Variants in SLC1A6 observed in about 807,000 individuals in gnomAD.
The protein encoded by SLC1A6 is solute carrier family 1 member 6, also known as excitatory amino acid transporter 4.
A neutral mutation model predicts 42.1 loss-of-function variants in SLC1A6; 15 were observed. The observed-to-expected ratio is 0.36, with a 90% confidence interval of 0.24 to 0.55. The LOEUF (loss-of-function observed/expected upper bound fraction) is 0.55, where lower values mean the gene tolerates loss of function less well. Among genes scored for constraint, SLC1A6 ranks in the 20% least tolerant of loss-of-function variants. The pLI, the probability that SLC1A6 is intolerant of heterozygous loss-of-function variation, is 0.88. For missense variants in SLC1A6, 542 were observed against 772.5 expected, an observed-to-expected ratio of 0.70 and a Z score of 3.54; for synonymous variants, 317 against 319.7, an observed-to-expected ratio of 0.99 and a Z score of 0.09.
intron 1 of SLC1A6, among the ~76,000 whole-genome samples, chr19:14,999,252 T>C (rs960140218): frequency 3.9e-5 from 6 of 152,138 alleles, no homozygotes; most frequent in South Asian, 2.1e-4. Context: ...AACCTTGGTC[T>C]CCACAACCCC....
At chr19:14,953,569 G>A (rs1373981038) in intron 8 of SLC1A6, among the ~76,000 whole-genome samples, 1 of 151,836 alleles carries the variant, frequency 6.6e-6, no homozygotes, top group African/African-American at 2.4e-5. Flanking sequence ...TTACATTCTA[G>A]TATGGGAAGC....
In SLC1A6 at chr19:14,957,899, G is replaced by A. The variant is rs555689718; in HGVS notation, c.936-1190C>T. 3.9e-5 allele frequency among the ~76,000 whole-genome samples: 6 copies of A among 152,312 alleles called. No individual in the cohort carries two copies. The South Asian group carries it at 1.2e-3, about 32-fold the overall frequency. On this transcript the variant is annotated intron_variant, in intron 6 of 9. Transcript: ENST00000594383. The stretch of plus-strand genomic sequence containing the variant: ...ATTGCAGGCACAATGCAGACTCTGA[G>A]ATGGGCATGCACTAGGAGTGCTGGA...
At chr19:14,956,392 G>T in intron 7 of SLC1A6, 84 bp downstream of exon 7, 1 of 811,560 alleles carries the variant, frequency 1.2e-6, no homozygotes, top group South Asian at 1.9e-5. Context: ...TTTAAGGAAT[G>T]GAGAGGGCAG....
At position 14,956,609 on chromosome 19, in the gene SLC1A6, C is replaced by T. The variant is rs764660271; in HGVS notation, c.1036G>A (p.Val346Ile). 97 of 1,613,756 alleles carry T rather than the reference C, an allele frequency of 6.0e-5. No homozygotes were observed. Among genetic ancestry groups the T allele is most frequent in the East Asian group, 2.2e-4 (10 of 44,874 alleles). ...GCATGGAGGAACAGGCCCACGATGA[C>T]GGTCAGGGTGTACATGCCCAGCTGA... ...GGQLGMYTLT[V>I]IVGLFLHAGI... Residue 346 changes from valine to isoleucine, a missense_variant, in exon 7 of 10, where the codon GTC (valine) becomes ATC (isoleucine). This residue lies in a region of SLC1A6 where 298 missense variants were observed against 419.4 expected (regional missense o/e 0.71). Coordinates refer to ENST00000594383, the MANE Select transcript of SLC1A6 (RefSeq NM_005071.3).
chr19:14,956,439 A>G (rs2045463785), intron 7 of SLC1A6, 37 bp downstream of exon 7: 1 of 1,397,410 alleles, frequency 7.2e-7, no homozygotes, highest in South Asian at 1.4e-5. Context: ...AAGAAGTGCA[A>G]CCAGGAATGG....
intron 1 of SLC1A6, among the ~76,000 whole-genome samples, chr19:15,008,705 T>C (rs2045908284): frequency 6.6e-6 from 1 of 152,138 alleles, no homozygotes; most frequent in Non-Finnish European, 1.5e-5. Flanking sequence ...GTATACAAGC[T>C]GGGTGCGGTG....
intron 1 of SLC1A6, among the ~76,000 whole-genome samples, chr19:14,996,602 A>G (rs2045849018): frequency 1.4e-5 from 1 of 73,284 alleles, no homozygotes; most frequent in African/African-American, 5.4e-5. Context: ...TTGTACCTTA[A>G]GCCGTTACTT....
intron 1 of SLC1A6, among the ~76,000 whole-genome samples, chr19:15,010,227 G>A (rs2145250315): frequency 7.1e-6 from 1 of 139,900 alleles, no homozygotes; most frequent in African/African-American, 2.6e-5. Flanking sequence ...GAGAGAGAGA[G>A]AAAAGAAAAG....
intron 1 of SLC1A6, among the ~76,000 whole-genome samples, chr19:14,989,925 G>A (rs1315013020): frequency 2.0e-5 from 3 of 152,078 alleles, no homozygotes; most frequent in Admixed American, 2.0e-4. Context: ...CCAGGAGGTG[G>A]AGGTTGCAGT....
rs2045655730 is a variant in SLC1A6, at chr19:14,972,710, G to T, written c.201C>A (p.Val67=). The T allele has an allele frequency of 6.2e-7, 1 of 1,613,558 alleles. No homozygotes were observed. The highest frequency in any genetic ancestry group is 1.3e-5 in the African/African-American group (1 of 74,956). The change falls in exon 2 of 10, where the codon GTC becomes GTA. Residue 67 remains valine (V), a synonymous_variant. Transcript: ENST00000594383. ...CCTCCAAGAGGCAGAGCTCACCAAT[G>T]ACCACGGCGCTGACCGTCAGCAGAA... ...AFILLTVSAV[V]IGVSLAFALR... is the part of the protein sequence containing the mutation.
rs200085107 is a variant in SLC1A6, at chr19:14,952,966, C to T, written c.1461G>A (p.Thr487=). ...VIVLTSVGLP[T]EDITLIIAVD... ...CGGCAATGATGAGCGTGATGTCTTC[C>T]GTGGGCAAGCCGACCGACGTAAGCA... Residue 487 remains threonine, a synonymous_variant, in exon 9 of 10, where the codon ACG becomes ACA. Coordinates refer to ENST00000594383, the MANE Select transcript of SLC1A6 (RefSeq NM_005071.3). 645 of 1,613,972 alleles carry T rather than the reference C, an allele frequency of 4.0e-4. No individual in the cohort carries two copies. Among genetic ancestry groups the T allele is most frequent in the Middle Eastern group, 2.3e-3 (14 of 6,062 alleles).
At chr19:14,954,960 CCT>C (rs2045448175) in intron 7 of SLC1A6, among the ~76,000 whole-genome samples, 1 of 152,196 alleles carries the variant, frequency 6.6e-6, no homozygotes, top group Non-Finnish European at 1.5e-5. Flanking sequence ...TCCAGACTCC[CCT>C]GTTTGCACCA....
At chr19:15,003,705 T>G (rs1180422822) in intron 1 of SLC1A6, among the ~76,000 whole-genome samples, 1 of 149,174 alleles carries the variant, frequency 6.7e-6, no homozygotes, top group African/African-American at 2.5e-5. Context: ...AGGCTAGAAG[T>G]TTTAGAAGGT....
At position 15,002,052 on chromosome 19, in the gene SLC1A6, C is replaced by T. The variant is rs1442641701; in HGVS notation, c.6+8433G>A. 2.0e-5 allele frequency among the ~76,000 whole-genome samples: 3 copies of T among 152,030 alleles called. 1 individual carries two copies. In the East Asian group the frequency reaches 5.8e-4, roughly 29 times the overall value. ...TGAGAAGTGAATGGAGAATGAAAAC[C>T]TGATGCACACGCTATTTCTCTTTTA... On this transcript the variant is annotated intron_variant, in intron 1 of 8. Transcript: ENST00000430939.
At chr19:15,008,030 C>T (rs1003201092) in intron 1 of SLC1A6, among the ~76,000 whole-genome samples, 3 of 130,752 alleles carry the variant, frequency 2.3e-5, no homozygotes, top group Non-Finnish European at 3.6e-5. Flanking sequence ...TGCCCCCCCC[C>T]CAAAAAAAAA....
intron 2 of SLC1A6, 93 bp downstream of exon 2, chr19:14,972,613 A>T: frequency 9.8e-7 from 1 of 1,024,536 alleles, no homozygotes; most frequent in South Asian, 1.5e-5. Context: ...GTGAGAATGA[A>T]GGGGTGCAGC....
At chr19:15,006,308 A>T (rs1007738396) in intron 1 of SLC1A6, among the ~76,000 whole-genome samples, 7 of 152,146 alleles carry the variant, frequency 4.6e-5, no homozygotes, top group Non-Finnish European at 1.0e-4. Context: ...CATAATTTGA[A>T]TCCTAGTTCA....
chr19:14,951,532 T>TGTTTTA (rs398071151), intron 9 of SLC1A6, among the ~76,000 whole-genome samples: 18 of 152,084 alleles, frequency 1.2e-4, no homozygotes, highest in Middle Eastern at 3.4e-3. Context: ...TTTTTGTTTT[T>TGTTTTA]TGAGATGGTG....
At position 14,979,839 on chromosome 19, in the gene SLC1A6, A is replaced by C. The variant is rs8110334; in HGVS notation, c.-538T>G. 52,639 of 137,516 alleles carry C rather than the reference A, an allele frequency of 0.38. 9,591 individuals carry two copies. Among genetic ancestry groups the C allele is most frequent in the African/African-American group, 0.46 (17,516 of 37,750 alleles). The allele number at this position is 137,516 out of a possible 1,614,324, so 8.5% of individuals were successfully genotyped here. On this transcript the variant is annotated 5_prime_UTR_variant, in exon 1 of 10. Coordinates refer to ENST00000594383, the MANE Select transcript of SLC1A6 (RefSeq NM_005071.3). The surrounding 1 kb of genome is among the most constrained non-coding windows in gnomAD (Gnocchi z 4.2). Reference sequence around the variant, plus strand: ...CGCAGCCGTGTGGGAGAAGGGGGACAGCGTGCTTGCGAAGGGAGGGGGACT... The same window carrying C: ...CGCAGCCGTGTGGGAGAAGGGGGACCGCGTGCTTGCGAAGGGAGGGGGACT...
Sources: gnomAD v4.1 joint callset for allele counts (sites outside exome capture counted in the v4.1 genomes callset) on GRCh38, gnomAD v4.1.1 for gene constraint, gnomAD v4.1.1 regional missense constraint, Gnocchi (gnomAD v3.1) non-coding constraint, MANE v1.5 for transcripts, NCBI Gene and HGNC (gene_info 2026-07-23, HGNC 2026-07-21) for gene names.